CDH13: variants seen among roughly 807,000 people sequenced by gnomAD.
CDH13 encodes cadherin-13.
Under a neutral mutation model 63.8 loss-of-function variants are expected in CDH13, and 24 were observed. The ratio of observed to expected loss-of-function variants is 0.38; its 90% CI spans 0.27 to 0.53. The LOEUF (loss-of-function observed/expected upper bound fraction) is 0.53, where lower values mean the gene tolerates loss of function less well. Ranked by LOEUF, CDH13 falls within the 20% of genes least tolerant of loss-of-function variation. The pLI is 0.85. For synonymous variants in CDH13, 503 were observed against 355.3 expected (o/e 1.42, Z -4.67); for missense variants, 1,049 against 903.1 (o/e 1.16, Z -2.07).
chr16:83,539,326 C>T (rs1318725640), intron 7 of CDH13, among the ~76,000 whole-genome samples: 7 of 152,230 alleles, frequency 4.6e-5, no homozygotes. Flanking sequence ...AATCTAATGC[C>T]ATGGCTGATC....
intron 1 of CDH13, among the ~76,000 whole-genome samples, chr16:82,712,191 T>G (rs1450618574): frequency 6.6e-6 from 1 of 152,228 alleles, no homozygotes; most frequent in African/African-American, 2.4e-5. Flanking sequence ...TCGCATGACC[T>G]TGATGAAGAT....
intron 8 of CDH13, among the ~76,000 whole-genome samples, chr16:83,652,287 C>A (rs1396517929): frequency 6.6e-6 from 1 of 152,112 alleles, no homozygotes; most frequent in Non-Finnish European, 1.5e-5. Context: ...TATACAAATC[C>A]CTTGTAATGA....
intron 5 of CDH13, among the ~76,000 whole-genome samples, chr16:83,312,489 C>A (rs762529701): frequency 6.6e-6 from 1 of 152,204 alleles, no homozygotes; most frequent in Non-Finnish European, 1.5e-5. Context: ...ACCTTCAATT[C>A]ATGTGCCCTT....
chr16:83,117,405 A>AT (rs1385770665), intron 3 of CDH13, among the ~76,000 whole-genome samples: 2 of 108,826 alleles, frequency 1.8e-5, no homozygotes, highest in Admixed American at 1.0e-4. Flanking sequence ...TTCCACTGCC[A>AT]TCTCCTCGGT....
chr16:83,612,022 G>T (rs528012671), intron 8 of CDH13, among the ~76,000 whole-genome samples: 2 of 152,070 alleles, frequency 1.3e-5, no homozygotes, highest in Admixed American at 1.3e-4. Context: ...ATATACATCA[G>T]TTAGGCCAAG....
intron 3 of CDH13, among the ~76,000 whole-genome samples, chr16:83,097,847 G>C (rs1054887200): frequency 3.3e-5 from 5 of 152,136 alleles, no homozygotes; most frequent in African/African-American, 1.2e-4. Flanking sequence ...TAAGAGGGTA[G>C]AGTAGACCAC....
intron 2 of CDH13, among the ~76,000 whole-genome samples, chr16:82,923,245 A>G (rs910360544): frequency 6.6e-6 from 1 of 152,232 alleles, no homozygotes; most frequent in African/African-American, 2.4e-5. Context: ...GGGTGTGTCC[A>G]TACTGCTCAG....
chr16:82,916,693 A>C (rs2042003110), intron 2 of CDH13, among the ~76,000 whole-genome samples: 1 of 152,228 alleles, frequency 6.6e-6, no homozygotes, highest in South Asian at 2.1e-4. Flanking sequence ...CATATCAATA[A>C]TTTTTATGTT....
intron 2 of CDH13, among the ~76,000 whole-genome samples, chr16:83,016,589 G>T (rs1914820658): frequency 6.6e-6 from 1 of 152,202 alleles, no homozygotes; most frequent in Admixed American, 6.5e-5. Flanking sequence ...CATCCCTGCT[G>T]GTTATTATCA....
intron 3 of CDH13, among the ~76,000 whole-genome samples, chr16:83,114,394 G>A (rs113902732): frequency 0.021 from 3,241 of 152,180 alleles, 111 homozygotes; most frequent in African/African-American, 0.074. Context: ...CATTTCTCCC[G>A]TATGGGGGTG....
chr16:83,273,949 G>C (rs2088904195), intron 5 of CDH13, among the ~76,000 whole-genome samples: 1 of 152,126 alleles, frequency 6.6e-6, no homozygotes, highest in Non-Finnish European at 1.5e-5. Context: ...ACCCATACTA[G>C]TCTATCATAG....
At chr16:83,171,530 T>C in intron 4 of CDH13, 1 of 1,534,340 alleles carries the variant, frequency 6.5e-7, no homozygotes, top group South Asian at 1.2e-5. Context: ...AGATGAAGAT[T>C]TGGCAAGTTC....
intron 1 of CDH13, among the ~76,000 whole-genome samples, chr16:82,851,158 A>G (rs186182086): frequency 1.3e-5 from 2 of 152,134 alleles, no homozygotes; most frequent in African/African-American, 4.8e-5. Flanking sequence ...CAATAGGGCC[A>G]GGTACGGTGG....
At chr16:82,958,305 A>G (rs1906435505) in intron 2 of CDH13, among the ~76,000 whole-genome samples, 1 of 152,246 alleles carries the variant, frequency 6.6e-6, no homozygotes, top group Non-Finnish European at 1.5e-5. Flanking sequence ...TATATCGTTC[A>G]TGCTTGATAA....
chr16:83,337,041 C>A (rs762914165), intron 5 of CDH13, among the ~76,000 whole-genome samples: 1 of 152,122 alleles, frequency 6.6e-6, no homozygotes, highest in African/African-American at 2.4e-5. Flanking sequence ...GTTAATAGTT[C>A]GCCATGAAGC....
intron 3 of CDH13, among the ~76,000 whole-genome samples, chr16:83,083,462 C>T (rs1221636011): frequency 6.6e-6 from 1 of 152,154 alleles, no homozygotes; most frequent in East Asian, 1.9e-4. Context: ...GAACAAAATC[C>T]TTGCCCCCAT....
intron 1 of CDH13, among the ~76,000 whole-genome samples, chr16:82,735,264 G>A (rs575306574): frequency 6.6e-6 from 1 of 152,194 alleles, no homozygotes; most frequent in Non-Finnish European, 1.5e-5. Flanking sequence ...TTTCCAGGGT[G>A]TACAGAAGGA....
At chr16:82,710,025 A>C (rs1019234521) in intron 1 of CDH13, among the ~76,000 whole-genome samples, 1 of 151,736 alleles carries the variant, frequency 6.6e-6, no homozygotes, top group African/African-American at 2.4e-5. Context: ...GCTGACAAAG[A>C]CTGCCTTAAA....
Position 83,796,539 on chromosome 16 carries a change from C to G in CDH13, c.*1509C>G, listed in dbSNP as rs531116674. ...GTTTCAATGGTAAATCCTTTTGGAA[C>G]ATATAGAATGCAGAGATTTTTTTTT... is the stretch of plus-strand genomic sequence containing the variant. On this transcript the variant is annotated 3_prime_UTR_variant, in exon 14 of 14. Transcript: ENST00000567109. 1 of 152,172 alleles carries G rather than the reference C, an allele frequency of 6.6e-6. No individual in the cohort carries two copies. The highest frequency in any genetic ancestry group is 2.1e-4 in the South Asian group (1 of 4,820). 9.4% of individuals were successfully genotyped at this position (152,172 alleles called of 1,614,324 possible).
Sources: gnomAD v4.1 joint callset for allele counts (sites outside exome capture counted in the v4.1 genomes callset) on GRCh38, gnomAD v4.1.1 for gene constraint, MANE v1.5 for transcripts, NCBI Gene and HGNC (gene_info 2026-07-23, HGNC 2026-07-21) for gene names.